The following DPP6 variants were observed in gnomAD, a reference collection of about 807,000 sequenced individuals.
DPP6 encodes the protein A-type potassium channel modulatory protein DPP6.
A neutral mutation model predicts 122.6 loss-of-function variants in DPP6; 69 were observed. The observed-to-expected ratio is 0.56, with a 90% CI of 0.46 to 0.69. The LOEUF is 0.69. DPP6 is among the 30% of genes least tolerant of loss of function. The pLI is 0.00. For missense variants in DPP6, 928 were observed against 1,116.9 expected (o/e 0.83, Z 2.41); for synonymous variants, 418 against 433.1 (o/e 0.97, Z 0.43).
intron 1 of DPP6, among the ~76,000 whole-genome samples, chr7:154,310,507 CAG>C (rs765170916): frequency 7.9e-5 from 12 of 152,212 alleles, no homozygotes; most frequent in East Asian, 7.7e-4. Context: ...ACAATGGAAA[CAG>C]TGTTTCTGTT....
At chr7:154,395,189 G>T (rs540894004) in intron 1 of DPP6, among the ~76,000 whole-genome samples, 1 of 152,264 alleles carries the variant, frequency 6.6e-6, no homozygotes, top group South Asian at 2.1e-4. Context: ...GCTCTTTCAG[G>T]CCTTTTGTAA....
intron 3 of DPP6, among the ~76,000 whole-genome samples, chr7:154,533,804 C>T (rs1007580049): frequency 1.3e-5 from 2 of 151,984 alleles, no homozygotes; most frequent in African/African-American, 4.8e-5. Context: ...CTGAAACCAG[C>T]CTGAATAACA....
chr7:154,880,383 CAG>C (rs1209436435), intron 20 of DPP6, among the ~76,000 whole-genome samples: 2 of 152,254 alleles, frequency 1.3e-5, no homozygotes, highest in African/African-American at 4.8e-5. Flanking sequence ...AGGTACAAGA[CAG>C]GGGCCTCCTC....
Position 154,875,189 on chromosome 7 carries a change from C to T in DPP6, c.1884-717C>T, listed in dbSNP as rs1804747571. On this transcript the variant is annotated intron_variant, in intron 19 of 25. Coordinates refer to ENST00000377770, the MANE Select transcript of DPP6 (RefSeq NM_130797.4). This position sits in a 1 kb window ranked among gnomAD's most constrained non-coding sequence, Gnocchi z 4.5. ...GGGAGGGAGGAAGGGAGGGAACAGC[C>T]CTGTTTGAGGAAAAAGAAAACAGCC... is the stretch of plus-strand genomic sequence containing the variant. Among the ~76,000 whole-genome samples the T allele has an allele frequency of 1.3e-5, 2 of 151,858 alleles. No individual in the cohort carries two copies. The highest frequency in any genetic ancestry group is 4.2e-4 in the South Asian group (2 of 4,798).
chr7:154,093,912 A>G (rs1288693331), intron 1 of DPP6: 1 of 152,054 alleles, frequency 6.6e-6, no homozygotes, highest in East Asian at 1.9e-4. Flanking sequence ...TGCCCCTTAC[A>G]GTGTGTTTCC....
At chr7:154,804,995 C>T (rs1798606682) in intron 15 of DPP6, 31 bp downstream of exon 15, 2 of 1,581,566 alleles carry the variant, frequency 1.3e-6, no homozygotes, top group Non-Finnish European at 1.7e-6. Flanking sequence ...ACACAGGGCT[C>T]TCCCCCTTAG....
At chr7:154,721,874 A>G (rs948739595) in intron 7 of DPP6, among the ~76,000 whole-genome samples, 1 of 152,104 alleles carries the variant, frequency 6.6e-6, no homozygotes, top group Non-Finnish European at 1.5e-5. Context: ...ATTTAAGATT[A>G]GATTCTATTG....
intron 1 of DPP6, among the ~76,000 whole-genome samples, chr7:154,204,204 A>C (rs1168418383): frequency 1.3e-5 from 2 of 152,196 alleles, no homozygotes; most frequent in African/African-American, 4.8e-5. Flanking sequence ...CATCCTCACC[A>C]TTCTGTCTCC....
At chr7:154,691,615 C>T (rs1317318190) in intron 7 of DPP6, among the ~76,000 whole-genome samples, 1 of 151,964 alleles carries the variant, frequency 6.6e-6, no homozygotes, top group Admixed American at 6.6e-5. Context: ...TTCAGGAGAT[C>T]GAGACTATCC....
At chr7:154,429,564 G>A (rs753645886) in intron 1 of DPP6, among the ~76,000 whole-genome samples, 6 of 152,168 alleles carry the variant, frequency 3.9e-5, no homozygotes, top group South Asian at 2.1e-4. Flanking sequence ...AAGAGGCTTC[G>A]TGAACTCGGG....
At chr7:154,380,578 G>A (rs1813506799) in intron 1 of DPP6, among the ~76,000 whole-genome samples, 1 of 152,204 alleles carries the variant, frequency 6.6e-6, no homozygotes, top group Admixed American at 6.5e-5. Flanking sequence ...AACGGCAGGT[G>A]AGTCCTGGGG....
chr7:154,224,811 A>G (rs904124098), intron 1 of DPP6, among the ~76,000 whole-genome samples: 1 of 149,338 alleles, frequency 6.7e-6, no homozygotes, highest in Admixed American at 6.6e-5. Context: ...CTTTTGCAAC[A>G]TATGATCAGT....
the DPP6 span, among the ~76,000 whole-genome samples, chr7:153,824,376 G>A: frequency 8.7e-6 from 1 of 114,776 alleles, no homozygotes; most frequent in African/African-American, 3.5e-5. Flanking sequence ...AACAGAGGGA[G>A]AGTCTGTCTC....
chr7:154,427,996 AT>A (rs1818050987), intron 1 of DPP6, among the ~76,000 whole-genome samples: 1 of 152,204 alleles, frequency 6.6e-6, no homozygotes, highest in Non-Finnish European at 1.5e-5. Flanking sequence ...AATTATCGTC[AT>A]TTTGAGCTTT....
intron 1 of DPP6, among the ~76,000 whole-genome samples, chr7:154,426,493 A>G (rs1817923217): frequency 6.6e-6 from 1 of 152,172 alleles, no homozygotes; most frequent in Admixed American, 6.5e-5. Context: ...AGAGACAGAC[A>G]CGTGTAGAAA....
chr7:154,710,489 T>TTGCTGTTA (rs1841113626), intron 7 of DPP6, among the ~76,000 whole-genome samples: 1 of 152,198 alleles, frequency 6.6e-6, no homozygotes. Flanking sequence ...TAATCCTAAC[T>TTGCTGTTA]TGCTGTTATA....
chr7:153,791,424 C>CTTTTTTTT, the DPP6 span, among the ~76,000 whole-genome samples: 37,632 of 90,326 alleles, frequency 0.42, 10,246 homozygotes, highest in East Asian at 0.65. Flanking sequence ...TCCTTCCTTT[C>CTTTTTTTT]TTTTTTTTTT....
At chr7:154,500,696 C>A (rs563783411) in intron 3 of DPP6, among the ~76,000 whole-genome samples, 1 of 152,300 alleles carries the variant, frequency 6.6e-6, no homozygotes, top group Admixed American at 6.5e-5. Context: ...GTCCAATAAA[C>A]CTCTTTCTTT....
At chr7:154,270,385 A>G (rs1353475509) in intron 1 of DPP6, among the ~76,000 whole-genome samples, 3 of 152,190 alleles carry the variant, frequency 2.0e-5, no homozygotes, top group Non-Finnish European at 4.4e-5. Flanking sequence ...GATAGAAGGA[A>G]AATATCATTT....
Sources: allele counts gnomAD v4.1 joint callset (sites outside exome capture counted in the v4.1 genomes callset), GRCh38; gene constraint gnomAD v4.1.1; non-coding constraint Gnocchi (gnomAD v3.1); transcripts MANE v1.5; gene names NCBI Gene and HGNC (gene_info 2026-07-23, HGNC 2026-07-21).